The following CDH12 variants were observed in gnomAD, a reference collection of about 807,000 sequenced individuals.
CDH12 encodes cadherin 12.
CDH12 carries 41 observed loss-of-function variants against 74.1 expected under a neutral mutation model. The ratio of observed to expected loss-of-function variants is 0.55; its 90% CI spans 0.43 to 0.72. The LOEUF (loss-of-function observed/expected upper bound fraction) is 0.72. Among genes scored for constraint, CDH12 ranks in the 30% least tolerant of loss-of-function variants. The probability of loss-of-function intolerance (pLI) is 0.00; values close to 1 mark genes in which losing one functional copy is unlikely to be tolerated. For missense variants in CDH12, 945 were observed against 977.2 expected (o/e 0.97, Z 0.44); for synonymous variants, 399 against 355.0 (o/e 1.12, Z -1.39).
At chr5:22,597,983 G>A (rs937296477) in intron 1 of CDH12, among the ~76,000 whole-genome samples, 1 of 152,134 alleles carries the variant, frequency 6.6e-6, no homozygotes, top group African/African-American at 2.4e-5. Flanking sequence ...GTCAGGAATG[G>A]AAAATATTCT....
chr5:21,797,315 AC>A (rs1424442207), intron 10 of CDH12, among the ~76,000 whole-genome samples: 4 of 152,100 alleles, frequency 2.6e-5, no homozygotes, highest in African/African-American at 7.2e-5. Flanking sequence ...AACAAAACAA[AC>A]AGCATATCTA....
chr5:21,820,971 C>G (rs1208839103), intron 8 of CDH12, among the ~76,000 whole-genome samples: 2 of 151,880 alleles, frequency 1.3e-5, no homozygotes, highest in Admixed American at 6.6e-5. Context: ...TACAATTCAT[C>G]AAATATACCT....
intron 3 of CDH12, among the ~76,000 whole-genome samples, chr5:22,397,385 A>C (rs896881334): frequency 6.6e-6 from 1 of 152,076 alleles, no homozygotes; most frequent in Admixed American, 6.6e-5. Flanking sequence ...AGAATTGTGT[A>C]TCTTATTTTC....
At position 22,338,241 on chromosome 5, in the gene CDH12, TA is replaced by T. The variant is rs548846582; in HGVS notation, c.-333+67015del. 2.6e-3 allele frequency among the ~76,000 whole-genome samples: 398 copies of T among 152,196 alleles called. 2 individuals carry two copies. The highest frequency in any genetic ancestry group is 9.4e-3 in the African/African-American group (390 of 41,494). ...ATGATGGAGTACTATTATTCAGCCC[TA>T]AAAAAGAATAAGATTATGCCATTTG... is the stretch of plus-strand genomic sequence containing the variant. On this transcript the variant is annotated intron_variant, in intron 3 of 14. Transcript: ENST00000382254.
chr5:22,164,532 C>T (rs146526141), intron 4 of CDH12, among the ~76,000 whole-genome samples: 9,817 of 152,106 alleles, frequency 0.065, 356 homozygotes, highest in African/African-American at 0.087. Context: ...CAGCTCAAGC[C>T]GTAATAAACA....
At chr5:22,281,506 T>G (rs937508963) in intron 3 of CDH12, among the ~76,000 whole-genome samples, 1 of 152,190 alleles carries the variant, frequency 6.6e-6, no homozygotes, top group Non-Finnish European at 1.5e-5. Flanking sequence ...CTCCTTAAGC[T>G]GATAAGCAAC....
At chr5:21,883,141 A>G (rs1171078652) in intron 6 of CDH12, 11 of 1,547,662 alleles carry the variant, frequency 7.1e-6, no homozygotes, top group Non-Finnish European at 8.0e-6. Context: ...GAAATTGGCA[A>G]TATCATCTCT....
intron 3 of CDH12, among the ~76,000 whole-genome samples, chr5:22,233,310 A>G (rs1328574197): frequency 6.6e-6 from 1 of 151,748 alleles, no homozygotes; most frequent in African/African-American, 2.4e-5. Flanking sequence ...AAAAAAATAT[A>G]TATATATAGT....
intron 3 of CDH12, among the ~76,000 whole-genome samples, chr5:22,264,852 C>T (rs1753651033): frequency 6.6e-6 from 1 of 152,048 alleles, no homozygotes; most frequent in South Asian, 2.1e-4. Flanking sequence ...TGAGCTGGCA[C>T]AGGCCTGCTG....
At chr5:22,422,504 GT>G (rs1014014086) in intron 2 of CDH12, among the ~76,000 whole-genome samples, 3 of 152,014 alleles carry the variant, frequency 2.0e-5, no homozygotes, top group Admixed American at 2.0e-4. Context: ...TTGCATTGAT[GT>G]TCATCAGAAG....
intron 1 of CDH12, among the ~76,000 whole-genome samples, chr5:22,546,022 G>C (rs1738310170): frequency 6.6e-6 from 1 of 152,008 alleles, no homozygotes; most frequent in Non-Finnish European, 1.5e-5. Context: ...TCGGCTCACT[G>C]CAACCCCTGC....
intron 3 of CDH12, among the ~76,000 whole-genome samples, chr5:22,340,154 G>A (rs529371127): frequency 1.3e-5 from 2 of 152,276 alleles, no homozygotes; most frequent in South Asian, 4.1e-4. Flanking sequence ...TAGCACTTCA[G>A]AAAAATGCTT....
At chr5:22,198,634 C>T (rs1750756491) in intron 4 of CDH12, among the ~76,000 whole-genome samples, 1 of 152,090 alleles carries the variant, frequency 6.6e-6, no homozygotes, top group African/African-American at 2.4e-5. Context: ...TCTATTCCTA[C>T]ATGACTTCAA....
At chr5:22,259,926 C>T (rs1270859124) in intron 3 of CDH12, among the ~76,000 whole-genome samples, 1 of 151,854 alleles carries the variant, frequency 6.6e-6, no homozygotes, top group African/African-American at 2.4e-5. Flanking sequence ...TAAAGGTGAG[C>T]AGTGCTATAA....
chr5:22,313,075 C>A (rs1738459653), intron 3 of CDH12, among the ~76,000 whole-genome samples: 1 of 152,172 alleles, frequency 6.6e-6, no homozygotes, highest in South Asian at 2.1e-4. Flanking sequence ...TTGCCAGTAG[C>A]ATTCACTTCT....
intron 1 of CDH12, among the ~76,000 whole-genome samples, chr5:22,604,637 T>C (rs1737007809): frequency 2.6e-5 from 4 of 152,270 alleles, no homozygotes; most frequent in African/African-American, 9.6e-5. Flanking sequence ...AAAAAAACCT[T>C]CATTAAAGAT....
intron 5 of CDH12, among the ~76,000 whole-genome samples, chr5:21,981,340 A>G (rs563909408): frequency 6.6e-5 from 10 of 152,180 alleles, no homozygotes; most frequent in African/African-American, 2.2e-4. Context: ...TATAGTATTC[A>G]TCTGTATACT....
intron 1 of CDH12, among the ~76,000 whole-genome samples, chr5:22,548,841 T>C (rs1738442919): frequency 6.6e-6 from 1 of 152,128 alleles, no homozygotes; most frequent in Admixed American, 6.6e-5. Flanking sequence ...TTGCCATCCC[T>C]CCATTCTTGT....
At chr5:22,359,415 C>T (rs1263155621) in intron 3 of CDH12, among the ~76,000 whole-genome samples, 1 of 152,072 alleles carries the variant, frequency 6.6e-6, no homozygotes, top group South Asian at 2.1e-4. Flanking sequence ...TACAGGAGCA[C>T]CCAGATTCAA....
Sources: gnomAD v4.1 joint callset for allele counts (sites outside exome capture counted in the v4.1 genomes callset) on GRCh38, gnomAD v4.1.1 for gene constraint, MANE v1.5 for transcripts, NCBI Gene and HGNC (gene_info 2026-07-23, HGNC 2026-07-21) for gene names.